Variants in MBD5 observed in about 807,000 individuals in gnomAD.
MBD5 encodes methyl-CpG-binding domain protein 5.
Under a neutral mutation model 117.3 loss-of-function variants are expected in MBD5, and 13 were observed. The observed-to-expected ratio is 0.11, with a 90% CI of 0.07 to 0.18. MBD5 has a LOEUF of 0.18. MBD5 is among the 10% of genes least tolerant of loss of function. The pLI is 1.00. For missense variants in MBD5, 1,879 were observed against 2,093.8 expected, an observed-to-expected ratio of 0.90 and a Z score of 2.00; for synonymous variants, 727 against 766.4, an observed-to-expected ratio of 0.95 and a Z score of 0.85.
intron 3 of MBD5, among the ~76,000 whole-genome samples, chr2:148,283,119 T>C (rs1234263389): frequency 6.6e-6 from 1 of 152,140 alleles, no homozygotes; most frequent in African/African-American, 2.4e-5. Flanking sequence ...AACACTCCCA[T>C]ATCAGAGTGT....
chr2:148,118,107 ATCACAGTGCCAAGC>A lies in MBD5; in HGVS notation c.-924-60589_-924-60576del, dbSNP rs530312622. On this transcript the variant is annotated intron_variant, in intron 1 of 13. Transcript: ENST00000642680. The stretch of plus-strand genomic sequence containing the variant: ...TGGTCGCCACCATTACCCAGAACTT[ATCACAGTGCCAAGC>A]TCATAGTTGGTAAGTAGTAAATATT... Among the ~76,000 whole-genome samples, 224 of 152,272 alleles carry A rather than the reference ATCACAGTGCCAAGC, an allele frequency of 1.5e-3. 2 individuals carry two copies. The highest frequency in any genetic ancestry group is 7.5e-3 in the East Asian group (39 of 5,178).
chr2:148,330,112 C>CAT (rs1240183180), intron 3 of MBD5, among the ~76,000 whole-genome samples: 2 of 144,126 alleles, frequency 1.4e-5, no homozygotes, highest in Non-Finnish European at 3.0e-5. Flanking sequence ...CACACACACA[C>CAT]ACACACTCTA....
chr2:148,104,821 T>C (rs1383660568), intron 1 of MBD5, among the ~76,000 whole-genome samples: 1 of 152,196 alleles, frequency 6.6e-6, no homozygotes, highest in African/African-American at 2.4e-5. Flanking sequence ...GTTTACAAAT[T>C]GCCTTCATTT....
At chr2:148,049,971 C>T (rs1203894945) in intron 1 of MBD5, among the ~76,000 whole-genome samples, 4 of 152,100 alleles carry the variant, frequency 2.6e-5, no homozygotes, top group Non-Finnish European at 5.9e-5. Flanking sequence ...TGGTGATGGA[C>T]ATCTGGGTTG....
chr2:148,366,661 C>T (rs1703709181), intron 4 of MBD5, among the ~76,000 whole-genome samples: 1 of 152,152 alleles, frequency 6.6e-6, no homozygotes, highest in Admixed American at 6.5e-5. Context: ...GCAAAAATCA[C>T]AAGCATTCCT....
chr2:148,473,248 A>G (rs1291410287), intron 8 of MBD5, among the ~76,000 whole-genome samples: 1 of 152,164 alleles, frequency 6.6e-6, no homozygotes, highest in Non-Finnish European at 1.5e-5. Context: ...AAATGTCAAG[A>G]AAACTGCCCC....
At chr2:148,198,148 C>A (rs1699043713) in intron 2 of MBD5, among the ~76,000 whole-genome samples, 1 of 152,108 alleles carries the variant, frequency 6.6e-6, no homozygotes, top group Admixed American at 6.5e-5. Flanking sequence ...TCTCCAGAGT[C>A]TTGATAGCTA....
intron 3 of MBD5, among the ~76,000 whole-genome samples, chr2:148,282,860 G>T (rs1404741741): frequency 4.0e-5 from 6 of 150,514 alleles, no homozygotes; most frequent in African/African-American, 1.5e-4. Flanking sequence ...TTGACTACTG[G>T]ATATTTTTTC....
intron 4 of MBD5, among the ~76,000 whole-genome samples, chr2:148,366,082 A>G (rs1211183361): frequency 6.6e-6 from 1 of 152,204 alleles, no homozygotes; most frequent in Admixed American, 6.5e-5. Flanking sequence ...CCTCAATAAA[A>G]TGCTGGCAGA....
chr2:148,023,875 A>G (rs1047879053), intron 1 of MBD5, among the ~76,000 whole-genome samples: 7 of 152,152 alleles, frequency 4.6e-5, no homozygotes, highest in Non-Finnish European at 1.0e-4. Context: ...ATTTATGTTT[A>G]GAAAACCTTT....
At chr2:148,052,358 G>A (rs1031955246) in intron 1 of MBD5, among the ~76,000 whole-genome samples, 1 of 151,796 alleles carries the variant, frequency 6.6e-6, no homozygotes, top group African/African-American at 2.4e-5. Flanking sequence ...TTACAGGCAT[G>A]TGACACCACA....
chr2:148,444,019 T>C (rs6721236), intron 4 of MBD5, among the ~76,000 whole-genome samples: 53,766 of 150,886 alleles, frequency 0.36, 10,385 homozygotes, highest in East Asian at 0.47. Flanking sequence ...TACATATATA[T>C]ACCTACTGTG....
At chr2:148,426,129 C>T (rs1449206025) in intron 4 of MBD5, among the ~76,000 whole-genome samples, 1 of 152,136 alleles carries the variant, frequency 6.6e-6, no homozygotes, top group East Asian at 1.9e-4. Context: ...GAACTACAAA[C>T]CACTGCTCAA....
At chr2:148,105,058 A>G (rs1264674876) in intron 1 of MBD5, among the ~76,000 whole-genome samples, 2 of 152,002 alleles carry the variant, frequency 1.3e-5, no homozygotes, top group Non-Finnish European at 2.9e-5. Context: ...AGATTTTTCT[A>G]TTTCGTCTTG....
At chr2:148,476,657 C>T (rs1475573446) in intron 8 of MBD5, among the ~76,000 whole-genome samples, 1 of 152,056 alleles carries the variant, frequency 6.6e-6, no homozygotes. Flanking sequence ...ATGTTGCACC[C>T]CACTAATAGA....
chr2:148,312,300 TTTGGTCTTTTCACATAGTCCCATATTTC>T (rs1702051650), intron 3 of MBD5, among the ~76,000 whole-genome samples: 1 of 152,190 alleles, frequency 6.6e-6, no homozygotes, highest in Non-Finnish European at 1.5e-5. Context: ...CAAACGCAGG[TTTGGTCTTTTCACATAGTCCCATATTTC>T]TTGGAGGCTT....
At chr2:148,154,779 C>T (rs1697820437) in intron 1 of MBD5, among the ~76,000 whole-genome samples, 1 of 152,178 alleles carries the variant, frequency 6.6e-6, no homozygotes, top group African/African-American at 2.4e-5. Context: ...AATGCCTTGC[C>T]CTGCTTCGGC....
intron 3 of MBD5, among the ~76,000 whole-genome samples, chr2:148,289,368 A>G (rs1013534490): frequency 2.0e-5 from 3 of 152,196 alleles, no homozygotes; most frequent in Non-Finnish European, 2.9e-5. Context: ...GAGATTTGGT[A>G]AGACAATAGT....
At chr2:148,332,963 T>G (rs933281530) in intron 3 of MBD5, among the ~76,000 whole-genome samples, 5 of 152,174 alleles carry the variant, frequency 3.3e-5, no homozygotes, top group Admixed American at 6.5e-5. Flanking sequence ...CCTATGTTTG[T>G]TTTTTCTTAG....
Sources: allele counts gnomAD v4.1 joint callset (sites outside exome capture counted in the v4.1 genomes callset), GRCh38; gene constraint gnomAD v4.1.1; transcripts MANE v1.5; gene names NCBI Gene and HGNC (gene_info 2026-07-23, HGNC 2026-07-21).